The following RMDN2 variants were observed in gnomAD, a reference collection of about 807,000 sequenced individuals.
RMDN2 encodes regulator of microtubule dynamics 2.
Under a neutral mutation model 52.8 loss-of-function variants are expected in RMDN2, and 61 were observed. The ratio of observed to expected loss-of-function variants is 1.16; its 90% CI spans 0.94 to 1.43. The LOEUF is 1.43. Ranked by LOEUF, RMDN2 falls within the 40% of genes most tolerant of loss-of-function variation. RMDN2 has a pLI of 0.00. For synonymous variants in RMDN2, 180 were observed against 153.1 expected (o/e 1.18, Z -1.30); for missense variants, 592 against 475.3 (o/e 1.25, Z -2.28).
At chr2:37,944,926 T>TA (rs1572732238) in intron 2 of RMDN2, among the ~76,000 whole-genome samples, 1 of 152,304 alleles carries the variant, frequency 6.6e-6, no homozygotes, top group East Asian at 1.9e-4. Flanking sequence ...AGGGCCTTTT[T>TA]AAAAAATATC....
intron 2 of RMDN2, chr2:37,953,048 G>T (rs1669039156): frequency 6.6e-6 from 1 of 152,014 alleles, no homozygotes; most frequent in Non-Finnish European, 1.5e-5. Context: ...AAAGGAATTT[G>T]CATTATTTCT....
intron 4 of RMDN2, among the ~76,000 whole-genome samples, chr2:37,977,129 A>C (rs1279974079): frequency 6.6e-6 from 1 of 152,184 alleles, no homozygotes; most frequent in Non-Finnish European, 1.5e-5. Flanking sequence ...CCCTTAGTGG[A>C]CACAGCATAT....
At chr2:38,008,589 C>T (rs1174791852) in intron 10 of RMDN2, among the ~76,000 whole-genome samples, 1 of 152,212 alleles carries the variant, frequency 6.6e-6, no homozygotes, top group Admixed American at 6.5e-5. Flanking sequence ...TTATTTTGAG[C>T]CTATGTGTGT....
intron 2 of RMDN2, among the ~76,000 whole-genome samples, chr2:37,968,336 G>C (rs540269343): frequency 6.6e-6 from 1 of 151,284 alleles, no homozygotes; most frequent in African/African-American, 2.4e-5. Context: ...CCAGCTTGGG[G>C]GGCTGAGGCA....
chr2:37,976,833 T>G (rs1271576542), intron 4 of RMDN2, among the ~76,000 whole-genome samples: 2 of 152,164 alleles, frequency 1.3e-5, no homozygotes, highest in Admixed American at 6.5e-5. Context: ...TAAATACATT[T>G]TTTTCTTTTT....
chr2:38,052,735 T>G (rs570698205), intron 10 of RMDN2, among the ~76,000 whole-genome samples: 11 of 152,176 alleles, frequency 7.2e-5, no homozygotes, highest in Admixed American at 2.0e-4. Context: ...TCACCAGCAA[T>G]TGGTGTTTTT....
At chr2:38,034,380 G>A (rs1680433536) in intron 10 of RMDN2, among the ~76,000 whole-genome samples, 1 of 152,160 alleles carries the variant, frequency 6.6e-6, no homozygotes, top group Non-Finnish European at 1.5e-5. Flanking sequence ...AGTTATAGTT[G>A]CTTTATTGGA....
chr2:37,957,234 T>C (rs1166696926), intron 2 of RMDN2, among the ~76,000 whole-genome samples: 1 of 152,246 alleles, frequency 6.6e-6, no homozygotes, highest in Non-Finnish European at 1.5e-5. Context: ...ATTGCCACAC[T>C]GTCTTCCACA....
chr2:37,952,342 C>A, intron 2 of RMDN2: 2 of 727,030 alleles, frequency 2.8e-6, no homozygotes, highest in South Asian at 2.3e-5. Flanking sequence ...AAGATTCCTA[C>A]ATTGCAGTGT....
intron 3 of RMDN2, chr2:37,974,835 T>C (rs1672258476): frequency 5.3e-6 from 1 of 189,114 alleles, no homozygotes; most frequent in African/African-American, 2.4e-5. Flanking sequence ...ATTTTCAATT[T>C]ACAGATATTA....
intron 7 of RMDN2, 34 bp from the exon 8 acceptor site, chr2:37,997,380 CAA>C: frequency 1.5e-6 from 2 of 1,361,074 alleles, no homozygotes; most frequent in Non-Finnish European, 2.1e-6. Flanking sequence ...AAAAGGTGAA[CAA>C]CTTTCTAAGA....
rs939771828 is a variant in RMDN2, at chr2:38,017,408, A to G, written c.*169A>G. Reference sequence around the variant, plus strand: ...TTCCACTAGTAGCACTACAAAATTAATTATGTTATTTGGAGAATCTATATA... The same window carrying G: ...TTCCACTAGTAGCACTACAAAATTAGTTATGTTATTTGGAGAATCTATATA... On this transcript the variant is annotated 3_prime_UTR_variant, in exon 11 of 11. Transcript: ENST00000354545. 2.1e-5 allele frequency: 28 copies of G among 1,332,128 alleles called. No individual in the cohort carries two copies. The highest frequency in any genetic ancestry group is 2.5e-5 in the Non-Finnish European group (26 of 1,022,282). The allele number at this position is 1,332,128 out of a possible 1,614,324, so 82.5% of individuals were successfully genotyped here. A position where few individuals can be genotyped will look rare whatever the true frequency, so the allele number is the denominator to read the frequency against.
upstream of RMDN2, among the ~76,000 whole-genome samples, chr2:37,924,934 C>T (rs1373782680): frequency 6.6e-6 from 1 of 152,196 alleles, no homozygotes; most frequent in African/African-American, 2.4e-5. Context: ...AAGGTTGTGC[C>T]TAGAAAGGGC....
intron 10 of RMDN2, among the ~76,000 whole-genome samples, chr2:38,062,639 T>C (rs1290141971): frequency 1.3e-5 from 2 of 152,162 alleles, no homozygotes; most frequent in African/African-American, 4.8e-5. Context: ...TATTATACTT[T>C]AAGTTTTAGG....
At chr2:37,969,822 G>A (rs1671555836) in intron 2 of RMDN2, among the ~76,000 whole-genome samples, 2 of 151,748 alleles carry the variant, frequency 1.3e-5, no homozygotes, top group South Asian at 4.2e-4. Flanking sequence ...GCCTTTTTCA[G>A]GTTTGAAAGG....
At chr2:37,981,497 GT>G (rs1436206480) in intron 5 of RMDN2, among the ~76,000 whole-genome samples, 154 bp downstream of exon 5, 4 of 152,068 alleles carry the variant, frequency 2.6e-5, no homozygotes, top group Non-Finnish European at 4.4e-5. Flanking sequence ...TTCTTATTCT[GT>G]TTATTCACAT....
chr2:37,959,178 G>A (rs1014094806), intron 2 of RMDN2, among the ~76,000 whole-genome samples: 4 of 151,024 alleles, frequency 2.6e-5, no homozygotes, highest in Non-Finnish European at 5.9e-5. Context: ...AAATGAGTTA[G>A]GGAGAAGTCC....
intron 7 of RMDN2, among the ~76,000 whole-genome samples, chr2:37,994,865 C>T (rs181638406): frequency 9.4e-4 from 143 of 152,276 alleles, no homozygotes; most frequent in African/African-American, 3.3e-3. Context: ...AGCATAACAA[C>T]ATGCATGACT....
At chr2:37,930,701 TG>T (rs934996153) in intron 2 of RMDN2, among the ~76,000 whole-genome samples, 1 of 152,132 alleles carries the variant, frequency 6.6e-6, no homozygotes, top group Admixed American at 6.5e-5. Context: ...CCCCCAACCC[TG>T]GATGGAACCC....
Sources: gnomAD v4.1 joint callset for allele counts (sites outside exome capture counted in the v4.1 genomes callset) on GRCh38, gnomAD v4.1.1 for gene constraint, MANE v1.5 for transcripts, NCBI Gene and HGNC (gene_info 2026-07-23, HGNC 2026-07-21) for gene names.